SYT16: variants seen among roughly 807,000 people sequenced by gnomAD.
The protein encoded by SYT16 is synaptotagmin-16.
A neutral mutation model predicts 61.4 loss-of-function variants in SYT16; 42 were observed. The ratio of observed to expected loss-of-function variants is 0.68; its 90% CI spans 0.53 to 0.89. SYT16 has a LOEUF of 0.89. SYT16 is among the 40% of genes least tolerant of loss of function. The pLI, the probability that SYT16 is intolerant of heterozygous loss-of-function variation, is 0.00. For missense variants in SYT16, 804 were observed against 807.3 expected, an observed-to-expected ratio of 1.00 and a Z score of 0.05; for synonymous variants, 314 against 302.3, an observed-to-expected ratio of 1.04 and a Z score of -0.40.
intron 1 of SYT16, among the ~76,000 whole-genome samples, chr14:61,847,595 C>G (rs1189129232): frequency 3.3e-5 from 5 of 152,062 alleles, no homozygotes; most frequent in Non-Finnish European, 7.4e-5. Context: ...ATATTCATAT[C>G]TTTCTCTAGG....
Position 61,908,893 on chromosome 14 carries a change from G to A in SYT16, c.-324-61239G>A, listed in dbSNP as rs1016126270. Among the ~76,000 whole-genome samples the A allele has an allele frequency of 2.0e-5, 3 of 152,052 alleles. No individual in the cohort carries two copies. In the East Asian group the frequency reaches 5.8e-4, roughly 29 times the overall value. Reference sequence around the variant, plus strand: ...GCTGGAGTGCAGTGGCGTGATAATGGTTCACTGCAGCCTTGAACTCCTGGG... The same window carrying A: ...GCTGGAGTGCAGTGGCGTGATAATGATTCACTGCAGCCTTGAACTCCTGGG... On this transcript the variant is annotated intron_variant, in intron 1 of 7. Transcript: ENST00000683842.
intron 3 of SYT16, among the ~76,000 whole-genome samples, chr14:62,065,679 C>T (rs910424674): frequency 7.9e-5 from 12 of 152,116 alleles, no homozygotes; most frequent in African/African-American, 2.9e-4. Flanking sequence ...GGAAAGCACT[C>T]CAATTGTTGT....
intron 1 of SYT16, among the ~76,000 whole-genome samples, chr14:61,851,614 G>A (rs182193213): frequency 1.4e-4 from 22 of 152,272 alleles, no homozygotes; most frequent in African/African-American, 4.8e-4. Flanking sequence ...TGACTGGCAC[G>A]AGGTGATGTC....
At chr14:61,941,838 G>T (rs1428523220) in intron 1 of SYT16, among the ~76,000 whole-genome samples, 1 of 152,186 alleles carries the variant, frequency 6.6e-6, no homozygotes. Flanking sequence ...GTGAACAATT[G>T]AAAGGATTTG....
At chr14:61,826,967 T>C (rs1389273956) in intron 1 of SYT16, among the ~76,000 whole-genome samples, 1 of 151,980 alleles carries the variant, frequency 6.6e-6, no homozygotes, top group Non-Finnish European at 1.5e-5. Flanking sequence ...TTTTCCACTC[T>C]GCGGAAGCCC....
At chr14:62,008,277 A>G (rs1266335313) in intron 3 of SYT16, among the ~76,000 whole-genome samples, 2 of 152,030 alleles carry the variant, frequency 1.3e-5, no homozygotes, top group Non-Finnish European at 2.9e-5. Flanking sequence ...GGAGTTTCTA[A>G]AATGTGATTA....
At chr14:61,967,743 A>G (rs548223881) in intron 1 of SYT16, among the ~76,000 whole-genome samples, 2 of 152,292 alleles carry the variant, frequency 1.3e-5, no homozygotes, top group African/African-American at 4.8e-5. Context: ...ATATAGGGTC[A>G]CCTTCTGAGA....
intron 1 of SYT16, among the ~76,000 whole-genome samples, chr14:61,911,235 G>A (rs193120311): frequency 1.8e-4 from 27 of 152,264 alleles, no homozygotes; most frequent in Admixed American, 5.2e-4. Context: ...TTCAAGGACC[G>A]GCCATAGACT....
In SYT16 at chr14:61,992,238, G is replaced by T. The variant is rs1455918955; in HGVS notation, c.-144-3638G>T. On this transcript the variant is annotated intron_variant, in intron 2 of 7. Coordinates refer to ENST00000683842, the MANE Select transcript of SYT16 (RefSeq NM_001367656.1). ...AAAAAATGAGTATCGGGCAGTTTAGGGAGAGAAGTCATCCTGGGCAAAACA... is the reference window on the plus strand; with the variant it reads ...AAAAAATGAGTATCGGGCAGTTTAGTGAGAGAAGTCATCCTGGGCAAAACA... 2.6e-5 allele frequency among the ~76,000 whole-genome samples: 4 copies of T among 152,080 alleles called. No individual in the cohort carries two copies. In the South Asian group the frequency reaches 8.3e-4, roughly 32 times the overall value.
chr14:61,837,233 A>ATTTTT (rs1237212390), intron 1 of SYT16, among the ~76,000 whole-genome samples: 7 of 122,824 alleles, frequency 5.7e-5, no homozygotes, highest in African/African-American at 1.2e-4. Flanking sequence ...GCAGAGGCTG[A>ATTTTT]TTTTTTTTTT....
At chr14:61,843,530 A>G (rs539903278) in intron 1 of SYT16, among the ~76,000 whole-genome samples, 76 of 152,170 alleles carry the variant, frequency 5.0e-4, no homozygotes, top group Non-Finnish European at 8.2e-4. Context: ...GTAGTTTCAT[A>G]GTTTGAGGTT....
At chr14:61,991,713 T>C (rs1251509017) in intron 2 of SYT16, among the ~76,000 whole-genome samples, 5 of 152,188 alleles carry the variant, frequency 3.3e-5, no homozygotes, top group African/African-American at 4.8e-5. Flanking sequence ...TCTGGGATCA[T>C]CTCACAATGG....
At chr14:61,957,299 TTTTA>T (rs2050917349) in intron 1 of SYT16, among the ~76,000 whole-genome samples, 1 of 151,968 alleles carries the variant, frequency 6.6e-6, no homozygotes, top group South Asian at 2.1e-4. Context: ...TTTGGATGAC[TTTTA>T]TTTCTTTATC....
Position 61,895,185 on chromosome 14 carries a change from G to A in SYT16, c.-324-74947G>A, listed in dbSNP as rs1344793753. 5.9e-5 allele frequency among the ~76,000 whole-genome samples: 9 copies of A among 152,208 alleles called. 1 individual carries two copies. The highest frequency in any genetic ancestry group is 1.7e-4 in the African/African-American group (7 of 41,448). ...AAGGAATGGAGGTAATGATTAGATC[G>A]CACAGGTAGGTTGATAACAACTTAA... On this transcript the variant is annotated intron_variant, in intron 1 of 7. Coordinates refer to ENST00000683842, the MANE Select transcript of SYT16 (RefSeq NM_001367656.1).
intron 3 of SYT16, among the ~76,000 whole-genome samples, chr14:62,058,838 A>G (rs1196409194): frequency 1.3e-5 from 2 of 152,214 alleles, no homozygotes; most frequent in Non-Finnish European, 2.9e-5. Flanking sequence ...CATCAGTGGT[A>G]GACTAGATAA....
At chr14:61,923,091 A>G (rs1004742466) in intron 1 of SYT16, among the ~76,000 whole-genome samples, 3 of 151,810 alleles carry the variant, frequency 2.0e-5, no homozygotes, top group Non-Finnish European at 2.9e-5. Flanking sequence ...TTTGTATACT[A>G]TTCTTTCTGC....
intron 1 of SYT16, 35 bp downstream of exon 1, chr14:61,812,845 G>A (rs1219472820): frequency 6.6e-6 from 1 of 152,308 alleles, no homozygotes. Context: ...CCAGGGGTGG[G>A]GGGAGGCCGC....
chr14:62,068,319 A>G (rs1164855741), intron 3 of SYT16, among the ~76,000 whole-genome samples: 1 of 152,296 alleles, frequency 6.6e-6, no homozygotes, highest in South Asian at 2.1e-4. Flanking sequence ...TAAGCCAGAC[A>G]CAGAAAGAGG....
chr14:61,998,665 G>C (rs2052868313), intron 3 of SYT16, among the ~76,000 whole-genome samples: 1 of 151,568 alleles, frequency 6.6e-6, no homozygotes, highest in African/African-American at 2.4e-5. Flanking sequence ...TCTTTTTCTT[G>C]ACTGATTACA....
Sources: allele counts gnomAD v4.1 joint callset (sites outside exome capture counted in the v4.1 genomes callset), GRCh38; gene constraint gnomAD v4.1.1; transcripts MANE v1.5; gene names NCBI Gene and HGNC (gene_info 2026-07-23, HGNC 2026-07-21).